The following ACO1 variants were observed in gnomAD, a reference collection of about 807,000 sequenced individuals.
ACO1 encodes the protein cytoplasmic aconitate hydratase.
Under a neutral mutation model 105.1 loss-of-function variants are expected in ACO1, and 78 were observed. The ratio of observed to expected loss-of-function variants is 0.74; its 90% CI spans 0.62 to 0.90. The LOEUF is 0.90. Among genes scored for constraint, ACO1 ranks in the 40% least tolerant of loss-of-function variants. The pLI, the probability that ACO1 is intolerant of heterozygous loss-of-function variation, is 0.00. For synonymous variants in ACO1, 364 were observed against 397.4 expected (o/e 0.92, Z 1.00); for missense variants, 965 against 1,111.1 (o/e 0.87, Z 1.87).
chr9:32,397,040 A>G (rs950473517), intron 1 of ACO1, among the ~76,000 whole-genome samples: 2 of 152,136 alleles, frequency 1.3e-5, no homozygotes, highest in Non-Finnish European at 2.9e-5. Flanking sequence ...GGATGAGAAA[A>G]GACTGAGTGA....
intron 4 of ACO1, among the ~76,000 whole-genome samples, chr9:32,409,212 C>T (rs1821681053): frequency 1.3e-5 from 2 of 152,170 alleles, no homozygotes; most frequent in African/African-American, 2.4e-5. Context: ...TTCCAGCCTA[C>T]GAAGCTCCCT....
chr9:32,435,578 C>T (rs1822337140), intron 17 of ACO1, among the ~76,000 whole-genome samples: 1 of 152,144 alleles, frequency 6.6e-6, no homozygotes, highest in Non-Finnish European at 1.5e-5. Context: ...GCTCAGTGAA[C>T]TGGTCACGGT....
intron 9 of ACO1, 29 bp from the exon 10 acceptor site, chr9:32,424,520 C>A (rs1180061135): frequency 1.3e-6 from 2 of 1,486,652 alleles, no homozygotes; most frequent in Non-Finnish European, 9.3e-7. Flanking sequence ...AATGTAAATT[C>A]TATAATTTCT....
chr9:32,423,460 T>G (rs1822021045), intron 9 of ACO1, 41 bp downstream of exon 9: 1 of 1,358,820 alleles, frequency 7.4e-7, no homozygotes, highest in Admixed American at 2.0e-5. Context: ...TTCCTCTTCC[T>G]CAAGGCTGCG....
intron 17 of ACO1, among the ~76,000 whole-genome samples, chr9:32,435,241 A>G (rs186553050): frequency 2.0e-5 from 3 of 152,210 alleles, no homozygotes; most frequent in African/African-American, 4.8e-5. Context: ...ACGTGAGGAC[A>G]TAAAAATTCC....
rs57615512 is a variant in ACO1, at chr9:32,399,966, G to GTTTTTTTTTTTTTTTTTTTTTTTTTTTT, written c.-22-5497_-22-5496insTTTTTTTTTTTTTTTTTTTTTTTTTTTT. Among the ~76,000 whole-genome samples, 5 of 69,842 alleles carry GTTTTTTTTTTTTTTTTTTTTTTTTTTTT rather than the reference G, an allele frequency of 7.2e-5. 1 individual carries two copies. The highest frequency in any genetic ancestry group is 2.2e-4 in the Admixed American group (1 of 4,602). The allele number at this position is 69,842 out of a possible 152,430, so 45.8% of individuals were successfully genotyped here. A position where few individuals can be genotyped will look rare whatever the true frequency, so the allele number is the denominator to read the frequency against. Reference sequence around the variant, plus strand: ...ATTTCTTTTATTTTTTTCTTTTTCTGTTTTTTTTTTTTTTTTTTTTTTGCG... The same window carrying GTTTTTTTTTTTTTTTTTTTTTTTTTTTT: ...ATTTCTTTTATTTTTTTCTTTTTCTGTTTTTTTTTTTTTTTTTTTTTTTTTTTTTTTTTTTTTTTTTTTTTTTTTTGCG... On this transcript the variant is annotated intron_variant, in intron 1 of 20. Transcript: ENST00000309951.
At chr9:32,425,023 T>G (rs2118488871) in intron 10 of ACO1, among the ~76,000 whole-genome samples, 1 of 152,376 alleles carries the variant, frequency 6.6e-6, no homozygotes, top group South Asian at 2.1e-4. Flanking sequence ...CCATAAGACT[T>G]GGTTCAGATA....
chr9:32,397,542 C>T (rs913999891), intron 1 of ACO1, among the ~76,000 whole-genome samples: 13 of 152,190 alleles, frequency 8.5e-5, no homozygotes, highest in Non-Finnish European at 1.9e-4. Flanking sequence ...TTTATGTTCA[C>T]ATAGACATCC....
intron 8 of ACO1, among the ~76,000 whole-genome samples, chr9:32,422,412 G>C (rs1166964606): frequency 1.3e-5 from 2 of 152,194 alleles, no homozygotes; most frequent in Admixed American, 1.3e-4. Context: ...TCATACAGCT[G>C]TCTTTTATGA....
intron 20 of ACO1, 61 bp from the exon 21 acceptor site, chr9:32,449,925 TGGGCAGAATTTC>T (rs1822718719): frequency 8.3e-7 from 1 of 1,203,380 alleles, no homozygotes; most frequent in Admixed American, 1.8e-5. Context: ...AGGGGCAGGC[TGGGCAGAATTTC>T]CTCCGAGCAG....
At chr9:32,434,241 G>T (rs1424521893) in intron 16 of ACO1, among the ~76,000 whole-genome samples, 2 of 152,196 alleles carry the variant, frequency 1.3e-5, no homozygotes, top group Non-Finnish European at 2.9e-5. Context: ...TAGAAGTGAG[G>T]ATTCCAGTTG....
chr9:32,433,957 C>A, intron 16 of ACO1, 125 bp downstream of exon 16: 1 of 780,770 alleles, frequency 1.3e-6, no homozygotes, highest in Non-Finnish European at 2.0e-6. Context: ...CAAACCCAAG[C>A]AGATACTGCT....
At chr9:32,448,789 T>G in intron 19 of ACO1, 107 bp from the exon 20 acceptor site, 1 of 1,153,610 alleles carries the variant, frequency 8.7e-7, no homozygotes, top group East Asian at 2.3e-5. Context: ...AGACTGGAGC[T>G]GTTCCTATTC....
At chr9:32,443,788 A>G (rs1272827565) in intron 19 of ACO1, among the ~76,000 whole-genome samples, 1 of 152,220 alleles carries the variant, frequency 6.6e-6, no homozygotes, top group African/African-American at 2.4e-5. Flanking sequence ...GGCAAAGGTT[A>G]CAAAATATAT....
intron 1 of ACO1, among the ~76,000 whole-genome samples, chr9:32,398,495 C>T: frequency 6.6e-6 from 1 of 152,002 alleles, no homozygotes; most frequent in South Asian, 2.1e-4. Flanking sequence ...TGCAGTCTCC[C>T]TCACAAAACC....
intron 20 of ACO1, 44 bp downstream of exon 20, chr9:32,449,125 C>G: frequency 1.3e-6 from 2 of 1,531,664 alleles, no homozygotes; most frequent in Non-Finnish European, 1.8e-6. Flanking sequence ...GAAAGGGGCC[C>G]CCTCGTTTGT....
chr9:32,415,074 T>C (rs138654123), intron 4 of ACO1, among the ~76,000 whole-genome samples: 8 of 151,994 alleles, frequency 5.3e-5, no homozygotes, highest in African/African-American at 1.2e-4. Context: ...TCAGAGCAAA[T>C]AGAGCATGCA....
rs1375074419 is a variant in ACO1 at position 32,384,738 on chromosome 9, G to C, written c.-23+3G>C. On this transcript the variant is annotated splice_donor_region_variant and intron_variant, in intron 1 of 20. Coordinates refer to ENST00000309951, the MANE Select transcript of ACO1 (RefSeq NM_002197.3). ...GGAGCCCCGCCGTGCAGTCGGAGGT[G>C]AGTACCGACGCGGCCCGACCCACGT... The C allele has an allele frequency of 2.5e-6, 1 of 394,312 alleles. No homozygotes were observed. The highest frequency in any genetic ancestry group is 1.7e-5 in the South Asian group (1 of 58,606). 24.4% of individuals were successfully genotyped at this position (394,312 alleles called of 1,614,324 possible). A position where few individuals can be genotyped will look rare whatever the true frequency, so the allele number is the denominator to read the frequency against.
At chr9:32,433,401 T>A (rs926315433) in intron 15 of ACO1, among the ~76,000 whole-genome samples, 1 of 141,974 alleles carries the variant, frequency 7.0e-6, no homozygotes, top group Non-Finnish European at 1.6e-5. Flanking sequence ...ACCCAGACAA[T>A]TTTTTTTTTA....
Sources: allele counts gnomAD v4.1 joint callset (sites outside exome capture counted in the v4.1 genomes callset), GRCh38; gene constraint gnomAD v4.1.1; transcripts MANE v1.5; gene names NCBI Gene and HGNC (gene_info 2026-07-23, HGNC 2026-07-21).